ZNF560: variants seen among roughly 807,000 people sequenced by gnomAD.
The protein encoded by ZNF560 is zinc finger protein 560.
In ZNF560, 54 loss-of-function variants were observed where a neutral mutation model predicts 81.8. The observed-to-expected ratio is 0.66, with a 90% confidence interval of 0.53 to 0.83. The LOEUF (loss-of-function observed/expected upper bound fraction) is 0.83. Among genes scored for constraint, ZNF560 ranks in the 40% least tolerant of loss-of-function variants. The pLI is 0.00. For synonymous variants in ZNF560, 321 were observed against 317.9 expected, an observed-to-expected ratio of 1.01 and a Z score of -0.10; for missense variants, 940 against 932.4, an observed-to-expected ratio of 1.01 and a Z score of -0.11.
At chr19:9,488,579 A>T (rs528710570) in intron 2 of ZNF560, among the ~76,000 whole-genome samples, 1 of 152,266 alleles carries the variant, frequency 6.6e-6, no homozygotes, top group South Asian at 2.1e-4. Context: ...CCAGGGAGAA[A>T]GATATACAAC....
upstream of ZNF560, among the ~76,000 whole-genome samples, chr19:9,500,583 AT>A (rs368413875): frequency 1.1e-4 from 16 of 148,862 alleles, no homozygotes; most frequent in East Asian, 2.0e-4. Flanking sequence ...AGTTTTCTTA[AT>A]TTTTTTTTTG....
chr19:9,449,996 A>AAAAAAAAC, the ZNF560 span, among the ~76,000 whole-genome samples: 8 of 115,902 alleles, frequency 6.9e-5, no homozygotes, highest in African/African-American at 1.7e-4. Flanking sequence ...AAAAAAAAAA[A>AAAAAAAAC]AACAACTGAA....
At chr19:9,506,162 T>G in the ZNF560 span, among the ~76,000 whole-genome samples, 3 of 151,730 alleles carry the variant, frequency 2.0e-5, no homozygotes, top group Non-Finnish European at 4.4e-5. Flanking sequence ...CTGGGTGATT[T>G]TTGTATTTTT....
At chr19:9,485,405 G>A (rs913587534) in intron 2 of ZNF560, among the ~76,000 whole-genome samples, 4 of 149,474 alleles carry the variant, frequency 2.7e-5, no homozygotes, top group African/African-American at 9.9e-5. Context: ...CACATTAACA[G>A]AATTAAGTAT....
intron 2 of ZNF560, among the ~76,000 whole-genome samples, chr19:9,477,085 T>C (rs2073214015): frequency 1.3e-5 from 2 of 152,188 alleles, no homozygotes; most frequent in Non-Finnish European, 2.9e-5. Flanking sequence ...GCTGGTGATA[T>C]GTGTAAAACC....
At chr19:9,451,940 G>C in the ZNF560 span, among the ~76,000 whole-genome samples, 23 of 152,188 alleles carry the variant, frequency 1.5e-4, no homozygotes, top group Middle Eastern at 3.4e-3. Flanking sequence ...GCTGGGCATG[G>C]TGGCGAACAT....
the ZNF560 span, among the ~76,000 whole-genome samples, chr19:9,453,432 A>ATAGCAACG: frequency 9.2e-5 from 14 of 152,112 alleles, no homozygotes; most frequent in Non-Finnish European, 1.5e-4. Context: ...TTCTAGCAAC[A>ATAGCAACG]TTAATGTTTT....
rs769599829 is a variant in ZNF560 at position 9,474,325 on chromosome 19, A to G, written c.31T>C (p.Tyr11His). The G allele has an allele frequency of 1.2e-6, 2 of 1,610,444 alleles. No individual in the cohort carries two copies. The highest frequency in any genetic ancestry group is 1.7e-4 in the Middle Eastern group (1 of 6,036). Reference protein sequence around the residue: MAYCLTNCYQYSVTFEDTAVD... With the variant: MAYCLTNCYQHSVTFEDTAVD... ...GCTGTATCCTCAAAGGTCACGGAGT[A>G]CTAAACCATCACATACATGTTGATT... Residue 11 changes from tyrosine (Y) to histidine (H), a missense_variant and splice_region_variant, in exon 4 of 10, where the codon TAC (tyrosine) becomes CAC (histidine). By Grantham distance (83) the Tyr-to-His change is moderately conservative. Coordinates refer to ENST00000301480, the MANE Select transcript of ZNF560 (RefSeq NM_152476.3).
chr19:9,475,236 T>C (rs765817265), intron 3 of ZNF560, 48 bp downstream of exon 3: 5 of 1,601,930 alleles, frequency 3.1e-6, no homozygotes, highest in Middle Eastern at 1.9e-4. Context: ...TGTGTTTACC[T>C]GGTGATGCAA....
the ZNF560 span, among the ~76,000 whole-genome samples, chr19:9,450,501 AAACTC>A: frequency 2.0e-5 from 3 of 152,272 alleles, no homozygotes; most frequent in Non-Finnish European, 2.9e-5. Flanking sequence ...AGAATTTAGA[AAACTC>A]AATTCAGTTC....
At chr19:9,487,297 A>G (rs1568463442) in intron 2 of ZNF560, among the ~76,000 whole-genome samples, 5 of 152,356 alleles carry the variant, frequency 3.3e-5, no homozygotes, top group Non-Finnish European at 5.9e-5. Flanking sequence ...AGGAACAAGC[A>G]TTTCTAAAGG....
At chr19:9,496,474 T>C (rs2073560171) in intron 2 of ZNF560, among the ~76,000 whole-genome samples, 1 of 150,164 alleles carries the variant, frequency 6.7e-6, no homozygotes, top group African/African-American at 2.4e-5. Flanking sequence ...TCCACCTGCC[T>C]CAGCCTCCCA....
At chr19:9,477,376 T>A (rs950441013) in intron 2 of ZNF560, among the ~76,000 whole-genome samples, 2 of 152,190 alleles carry the variant, frequency 1.3e-5, no homozygotes, top group African/African-American at 2.4e-5. Context: ...TCTAATCCTC[T>A]GTGGTTGTTA....
downstream of ZNF560, among the ~76,000 whole-genome samples, chr19:9,464,302 T>G (rs2072981175): frequency 6.6e-6 from 1 of 152,146 alleles, no homozygotes; most frequent in Admixed American, 6.5e-5. Flanking sequence ...ATACTGCCAA[T>G]CATAGCAGTT....
chr19:9,485,349 G>A (rs1278555840), intron 2 of ZNF560, among the ~76,000 whole-genome samples: 1 of 151,908 alleles, frequency 6.6e-6, no homozygotes, highest in Non-Finnish European at 1.5e-5. Flanking sequence ...ATTTATCCCT[G>A]GAATGCACGG....
chr19:9,469,588 A>G (rs1257663830), intron 8 of ZNF560, 42 bp downstream of exon 8: 2 of 1,576,490 alleles, frequency 1.3e-6, no homozygotes, highest in Admixed American at 1.7e-5. Context: ...AAACGTACTG[A>G]GAACTTCTCA....
chr19:9,448,928 A>G, the ZNF560 span, among the ~76,000 whole-genome samples: 1 of 152,230 alleles, frequency 6.6e-6, no homozygotes. Flanking sequence ...ACAGGAAAAA[A>G]GGACAAAGAG....
chr19:9,496,264 T>C (rs2073555919), intron 2 of ZNF560, among the ~76,000 whole-genome samples: 1 of 152,068 alleles, frequency 6.6e-6, no homozygotes, highest in South Asian at 2.1e-4. Context: ...GAGGATCACT[T>C]GAGCCCAGTA....
At chr19:9,503,979 A>T in the ZNF560 span, among the ~76,000 whole-genome samples, 5 of 152,244 alleles carry the variant, frequency 3.3e-5, no homozygotes, top group Non-Finnish European at 7.3e-5. Context: ...ATTTTGTGGT[A>T]AAAACAGGTG....
Sources: allele counts gnomAD v4.1 joint callset (sites outside exome capture counted in the v4.1 genomes callset), GRCh38; gene constraint gnomAD v4.1.1; transcripts MANE v1.5; gene names NCBI Gene and HGNC (gene_info 2026-07-23, HGNC 2026-07-21).